The following NLK variants were observed in gnomAD, a reference collection of about 807,000 sequenced individuals.
NLK encodes nemo like kinase, also known as serine/threonine-protein kinase NLK.
NLK carries 11 observed loss-of-function variants against 59.0 expected under a neutral mutation model. The observed-to-expected ratio is 0.19, with a 90% CI of 0.12 to 0.31. The LOEUF is 0.31. Ranked by LOEUF, NLK falls within the 10% of genes least tolerant of loss-of-function variation. The pLI is 1.00. For synonymous variants in NLK, 235 were observed against 235.9 expected (o/e 1.00, Z 0.03); for missense variants, 410 against 661.1 (o/e 0.62, Z 4.16).
chr17:28,111,688 A>G (rs540835785), intron 1 of NLK, among the ~76,000 whole-genome samples: 1 of 152,216 alleles, frequency 6.6e-6, no homozygotes, highest in Non-Finnish European at 1.5e-5. Flanking sequence ...CTTAATGTGC[A>G]GAATCTGTCT....
At chr17:28,159,950 G>A (rs192690440) in intron 3 of NLK, among the ~76,000 whole-genome samples, 110 of 152,290 alleles carry the variant, frequency 7.2e-4, no homozygotes, top group African/African-American at 2.5e-3. Flanking sequence ...GATGTGGTTT[G>A]TGGTGCAAGC....
intron 1 of NLK, among the ~76,000 whole-genome samples, chr17:28,098,744 G>A (rs563715998): frequency 1.4e-5 from 2 of 144,036 alleles, no homozygotes; most frequent in South Asian, 2.2e-4. Flanking sequence ...GTGCAATGGC[G>A]CCATCTCGGC....
chr17:28,064,863 T>C (rs755704615), intron 1 of NLK, among the ~76,000 whole-genome samples: 4 of 152,252 alleles, frequency 2.6e-5, no homozygotes, highest in Non-Finnish European at 5.9e-5. Context: ...CTTAGGTTCT[T>C]ATGAAAATTA....
At chr17:28,123,462 T>G (rs1232889177) in intron 2 of NLK, among the ~76,000 whole-genome samples, 1 of 152,126 alleles carries the variant, frequency 6.6e-6, no homozygotes, top group Non-Finnish European at 1.5e-5. Flanking sequence ...GATTGATTGA[T>G]TGACAGGTAA....
intron 1 of NLK, among the ~76,000 whole-genome samples, chr17:28,080,359 T>C (rs1163266672): frequency 6.6e-6 from 1 of 152,044 alleles, no homozygotes; most frequent in Admixed American, 6.6e-5. Flanking sequence ...ACAGGAAGAT[T>C]GCTTGAGCCC....
intron 5 of NLK, among the ~76,000 whole-genome samples, chr17:28,166,353 C>G (rs1424973108): frequency 1.3e-5 from 2 of 152,154 alleles, no homozygotes; most frequent in African/African-American, 2.4e-5. Flanking sequence ...CATACTGATT[C>G]ATTCCCACAT....
Position 28,171,565 on chromosome 17 carries a change from C to T in NLK, c.1048-952C>T, listed in dbSNP as rs35728984. ...TCTAAGTGTCACAGTTTTCTGCCAG[C>T]GTAAGAGATTTCTAGCATGACTAGA... On this transcript the variant is annotated intron_variant, in intron 6 of 10. Transcript: ENST00000407008. Among the ~76,000 whole-genome samples, 1,006 of 152,228 alleles carry T rather than the reference C, an allele frequency of 6.6e-3. 17 individuals are homozygous for T. The highest frequency in any genetic ancestry group is 0.023 in the African/African-American group (935 of 41,528).
chr17:28,118,113 A>G (rs1905861198), intron 1 of NLK, among the ~76,000 whole-genome samples: 1 of 152,152 alleles, frequency 6.6e-6, no homozygotes, highest in African/African-American at 2.4e-5. Context: ...TCAGTTTGCT[A>G]TTGTTTTCTG....
intron 1 of NLK, among the ~76,000 whole-genome samples, chr17:28,060,797 ATT>A: frequency 6.6e-6 from 1 of 152,356 alleles, no homozygotes; most frequent in South Asian, 2.1e-4. Context: ...ACACACTCAA[ATT>A]TTTTATGATA....
intron 1 of NLK, among the ~76,000 whole-genome samples, chr17:28,072,389 G>A (rs889350496): frequency 5.4e-5 from 8 of 148,146 alleles, no homozygotes; most frequent in African/African-American, 1.5e-4. Flanking sequence ...GCAGATGTGC[G>A]GTTACGGCTC....
chr17:28,191,346 TATAGCTGTGTGTCCGGGGC>T (rs986977253), intron 9 of NLK, 127 bp downstream of exon 9: 9 of 635,574 alleles, frequency 1.4e-5, no homozygotes, highest in Non-Finnish European at 1.3e-5. Flanking sequence ...CAACCTTGCG[TATAGCTGTGTGTCCGGGGC>T]ATAACAAAGC....
rs34816240 is a variant in NLK at position 28,187,288 on chromosome 17, T to TGTTTG, written c.1236+2046_1236+2050dup. On this transcript the variant is annotated intron_variant, in intron 8 of 10. Coordinates refer to ENST00000407008, the MANE Select transcript of NLK (RefSeq NM_016231.5). ...CCTCTTTCTCTGAGATCCCATGTTT[T>TGTTTG]GTTTGGTTTGGTTTGGTTTGGTTTG... Among the ~76,000 whole-genome samples the TGTTTG allele has an allele frequency of 6.8e-3, 1,034 of 152,140 alleles. 10 individuals carry two copies. Among genetic ancestry groups the TGTTTG allele is most frequent in the African/African-American group, 0.024 (982 of 41,468 alleles).
At chr17:28,086,713 CTG>C (rs1016475670) in intron 1 of NLK, among the ~76,000 whole-genome samples, 2 of 151,750 alleles carry the variant, frequency 1.3e-5, no homozygotes, top group African/African-American at 4.8e-5. Flanking sequence ...ATAAGTGACT[CTG>C]TGATGAGTCA....
chr17:28,113,924 T>A (rs1905637559), intron 1 of NLK, among the ~76,000 whole-genome samples: 2 of 152,194 alleles, frequency 1.3e-5, no homozygotes, highest in South Asian at 4.1e-4. Context: ...TAAGTGTGCA[T>A]CCCTAAACAT....
chr17:28,077,231 G>A (rs1331134484), intron 1 of NLK, among the ~76,000 whole-genome samples: 2 of 151,906 alleles, frequency 1.3e-5, no homozygotes, highest in Admixed American at 6.6e-5. Context: ...GGAAGAAAAA[G>A]AGGTTTAATT....
chr17:28,157,347 C>A (rs1160544140), intron 3 of NLK, among the ~76,000 whole-genome samples: 4 of 152,136 alleles, frequency 2.6e-5, no homozygotes, highest in African/African-American at 9.7e-5. Flanking sequence ...CATGCCACCA[C>A]ACCCAGCTAA....
In NLK at chr17:28,195,808, AT is replaced by A. The variant is rs34894038; in HGVS notation, c.*1184del. On this transcript the variant is annotated 3_prime_UTR_variant, in exon 11 of 11. Coordinates refer to ENST00000407008, the MANE Select transcript of NLK (RefSeq NM_016231.5). ...TTACCTCCACATGCTGATGATGACT[AT>A]TTTTTTTTTTTGAGTTCAGTGTGGA... 1.1e-3 allele frequency: 156 copies of A among 145,578 alleles called. No individual in the cohort carries two copies. Among genetic ancestry groups the A allele is most frequent in the Non-Finnish European group, 8.2e-4 (54 of 65,750 alleles). 9.0% of individuals were successfully genotyped at this position (145,578 alleles called of 1,614,324 possible). A position where few individuals can be genotyped will look rare whatever the true frequency, so the allele number is the denominator to read the frequency against.
At chr17:28,198,974 T>C (rs1909553275), downstream of NLK, among the ~76,000 whole-genome samples, 1 of 152,194 alleles carries the variant, frequency 6.6e-6, no homozygotes, top group Non-Finnish European at 1.5e-5. Flanking sequence ...TGTGTCTGTC[T>C]TAAAATTGAG....
downstream of NLK, among the ~76,000 whole-genome samples, chr17:28,198,741 G>T (rs1442865270): frequency 6.6e-6 from 1 of 152,136 alleles, no homozygotes; most frequent in Non-Finnish European, 1.5e-5. Flanking sequence ...TATTAATGTG[G>T]TGCAATATAC....
Sources: allele counts gnomAD v4.1 joint callset (sites outside exome capture counted in the v4.1 genomes callset), GRCh38; gene constraint gnomAD v4.1.1; transcripts MANE v1.5; gene names NCBI Gene and HGNC (gene_info 2026-07-23, HGNC 2026-07-21).